STXBP4: variants seen among roughly 807,000 people sequenced by gnomAD.
STXBP4 encodes the protein syntaxin-binding protein 4.
A neutral mutation model predicts 76.1 loss-of-function variants in STXBP4; 55 were observed. The observed-to-expected ratio is 0.72, with a 90% CI of 0.58 to 0.91. The LOEUF (loss-of-function observed/expected upper bound fraction) is 0.91. Ranked by LOEUF, STXBP4 falls within the 40% of genes least tolerant of loss-of-function variation. STXBP4 has a pLI of 0.00. For missense variants in STXBP4, 618 were observed against 636.9 expected, an observed-to-expected ratio of 0.97 and a Z score of 0.32; for synonymous variants, 201 against 220.2, an observed-to-expected ratio of 0.91 and a Z score of 0.77.
At chr17:55,136,847 C>T (rs907124234) in intron 16 of STXBP4, among the ~76,000 whole-genome samples, 1 of 152,150 alleles carries the variant, frequency 6.6e-6, no homozygotes, top group East Asian at 1.9e-4. Flanking sequence ...TACGCCTTAA[C>T]GGAGGTTTCC....
chr17:54,999,702 T>C lies in STXBP4; in HGVS notation c.358T>C (p.Cys120Arg), dbSNP rs34870302. Residue 120 changes from cysteine (C) to arginine (R), a missense_variant, in exon 6 of 18, where the codon TGT (cysteine) becomes CGT (arginine). Coordinates refer to ENST00000376352, the MANE Select transcript of STXBP4 (RefSeq NM_178509.6). ...SDNIQPENLS[C>R]TSLIEASGEY... ...CAACATTCAGCCAGAAAATCTGTCA[T>C]GTACATCACTTATAGAAGCTTCAGG... 15,884 of 1,613,676 alleles carry C rather than the reference T, an allele frequency of 9.8e-3. 1,402 individuals are homozygous for C. The African/African-American group carries it at 0.19, about 19-fold the overall frequency.
chr17:55,003,973 A>T (rs9890815), intron 7 of STXBP4, among the ~76,000 whole-genome samples: 9,607 of 151,926 alleles, frequency 0.063, 941 homozygotes, highest in African/African-American at 0.22. Context: ...GGAGTTCGAG[A>T]CCAGCCTGGC....
intron 17 of STXBP4, among the ~76,000 whole-genome samples, chr17:55,150,257 C>T (rs959507418): frequency 2.6e-5 from 4 of 152,170 alleles, no homozygotes; most frequent in Admixed American, 1.3e-4. Context: ...GTCCCAAGAT[C>T]AGGGCGCCAT....
the STXBP4 span, among the ~76,000 whole-genome samples, chr17:55,198,838 A>G: frequency 1.4e-4 from 21 of 152,244 alleles, no homozygotes; most frequent in African/African-American, 2.9e-4. Context: ...CATCCAAGAC[A>G]TGAACTGCAA....
intron 1 of STXBP4, among the ~76,000 whole-genome samples, chr17:54,975,783 C>T (rs930267437): frequency 1.3e-5 from 2 of 152,196 alleles, no homozygotes; most frequent in Non-Finnish European, 2.9e-5. Context: ...CACCACACTC[C>T]AGTTGCACTT....
At position 55,166,863 on chromosome 17, in the gene STXBP4, A is replaced by G. The variant is rs956136579; in HGVS notation, c.*6952A>G. On this transcript the variant is annotated 3_prime_UTR_variant, in exon 18 of 18. Transcript: ENST00000376352. The stretch of plus-strand genomic sequence containing the variant: ...TCTTAGAGGCTTGAAATCTGGTTCT[A>G]CCTTCTCTTTCTCCATGTGGTAATG... The G allele has an allele frequency of 6.6e-6, 1 of 152,164 alleles. No homozygotes were observed. The highest frequency in any genetic ancestry group is 2.4e-5 in the African/African-American group (1 of 41,404). The allele number at this position is 152,164 out of a possible 1,614,324, so 9.4% of individuals were successfully genotyped here.
At chr17:55,085,140 T>C (rs77301396) in intron 16 of STXBP4, among the ~76,000 whole-genome samples, 3 of 149,096 alleles carry the variant, frequency 2.0e-5, no homozygotes, top group South Asian at 4.2e-4. Flanking sequence ...TTCTCACTCA[T>C]AGGTGGGAAT....
chr17:55,197,324 G>T, the STXBP4 span, among the ~76,000 whole-genome samples: 1 of 152,308 alleles, frequency 6.6e-6, no homozygotes, highest in Admixed American at 6.5e-5. Context: ...TGACCAATGG[G>T]AAATTTACTA....
At chr17:55,127,151 C>T (rs2145109667) in intron 16 of STXBP4, among the ~76,000 whole-genome samples, 1 of 152,288 alleles carries the variant, frequency 6.6e-6, no homozygotes, top group East Asian at 1.9e-4. Context: ...CTATTCCCTG[C>T]CATCCCTTGT....
intron 7 of STXBP4, 148 bp from the exon 8 acceptor site, chr17:55,007,357 GA>G (rs892448714): frequency 9.5e-5 from 60 of 630,772 alleles, no homozygotes; most frequent in Middle Eastern, 7.1e-4. Context: ...AAAAAGAAAA[GA>G]AAAAAAAATT....
At chr17:55,204,132 A>G in the STXBP4 span, among the ~76,000 whole-genome samples, 1 of 151,194 alleles carries the variant, frequency 6.6e-6, no homozygotes, top group South Asian at 2.1e-4. Flanking sequence ...TTTTAATGCT[A>G]TTCTCTTGCT....
At chr17:55,158,513 C>A (rs2080305223) in intron 17 of STXBP4, among the ~76,000 whole-genome samples, 1 of 152,062 alleles carries the variant, frequency 6.6e-6, no homozygotes, top group Admixed American at 6.6e-5. Flanking sequence ...TTCGTGCACT[C>A]CAGAGTTGGG....
intron 8 of STXBP4, among the ~76,000 whole-genome samples, chr17:55,016,642 A>C (rs1021681806): frequency 2.0e-5 from 3 of 152,094 alleles, no homozygotes; most frequent in Non-Finnish European, 4.4e-5. Flanking sequence ...CTTTTTCCTC[A>C]ATCACCTGGA....
intron 17 of STXBP4, among the ~76,000 whole-genome samples, chr17:55,150,402 C>A (rs944387801): frequency 3.9e-5 from 6 of 152,170 alleles, no homozygotes; most frequent in African/African-American, 1.4e-4. Context: ...GACACCAGTT[C>A]CATCAGACCA....
chr17:55,212,515 G>A, the STXBP4 span, among the ~76,000 whole-genome samples: 1 of 152,150 alleles, frequency 6.6e-6, no homozygotes, highest in African/African-American at 2.4e-5. Context: ...ATAATATTTA[G>A]TCATCTTATC....
At chr17:55,103,731 C>G (rs1362341690) in intron 16 of STXBP4, among the ~76,000 whole-genome samples, 1 of 152,058 alleles carries the variant, frequency 6.6e-6, no homozygotes, top group Non-Finnish European at 1.5e-5. Flanking sequence ...TGCAGTATGG[C>G]CATTTTCACA....
At chr17:55,199,074 A>T in the STXBP4 span, among the ~76,000 whole-genome samples, 1 of 152,262 alleles carries the variant, frequency 6.6e-6, no homozygotes, top group Non-Finnish European at 1.5e-5. Context: ...TGAGATGCTG[A>T]TAGATCAGAG....
At chr17:55,091,375 G>A (rs1364612104) in intron 16 of STXBP4, among the ~76,000 whole-genome samples, 51 of 152,036 alleles carry the variant, frequency 3.4e-4, no homozygotes, top group Admixed American at 3.3e-3. Flanking sequence ...CAAAAAAGAT[G>A]TGTATAAGTA....
intron 16 of STXBP4, among the ~76,000 whole-genome samples, chr17:55,126,970 T>G (rs1023891515): frequency 6.6e-6 from 1 of 152,206 alleles, no homozygotes; most frequent in Non-Finnish European, 1.5e-5. Flanking sequence ...ATACTACTGG[T>G]TCAGGATATT....
Sources: gnomAD v4.1 joint callset for allele counts (sites outside exome capture counted in the v4.1 genomes callset) on GRCh38, gnomAD v4.1.1 for gene constraint, MANE v1.5 for transcripts, NCBI Gene and HGNC (gene_info 2026-07-23, HGNC 2026-07-21) for gene names.